The following NTM variants were observed in gnomAD, a reference collection of about 807,000 sequenced individuals.
NTM encodes the protein IgLON family member 2.
NTM carries 13 observed loss-of-function variants against 42.1 expected under a neutral mutation model. The observed-to-expected ratio is 0.31, with a 90% CI of 0.20 to 0.49. NTM has a LOEUF of 0.49. NTM is among the 20% of genes least tolerant of loss of function. NTM has a pLI of 0.99. For synonymous variants in NTM, 187 were observed against 179.2 expected (o/e 1.04, Z -0.35); for missense variants, 373 against 452.8 (o/e 0.82, Z 1.60).
intron 4 of NTM, among the ~76,000 whole-genome samples, chr11:132,229,869 C>T (rs1216259721): frequency 3.9e-5 from 6 of 152,236 alleles, no homozygotes. Flanking sequence ...GCCATTCACC[C>T]TCTTTTGCCC....
chr11:132,310,269 C>T, intron 6 of NTM, 37 bp downstream of exon 6: 1 of 1,534,596 alleles, frequency 6.5e-7, no homozygotes. Flanking sequence ...CCCCTACCCC[C>T]ATCTCCAGGA....
At chr11:131,581,343 C>T (rs537320877) in intron 1 of NTM, among the ~76,000 whole-genome samples, 15 of 152,242 alleles carry the variant, frequency 9.9e-5, no homozygotes, top group African/African-American at 2.2e-4. Flanking sequence ...GAAGATTGAG[C>T]GGTAACAGAG....
Position 132,175,324 on chromosome 11 carries a change from C to T in NTM, c.400+28810C>T, listed in dbSNP as rs551690931. Among the ~76,000 whole-genome samples, 6 of 152,246 alleles carry T rather than the reference C, an allele frequency of 3.9e-5. No homozygotes were observed. In the South Asian group the frequency reaches 1.2e-3, roughly 32 times the overall value. Reference sequence around the variant, plus strand: ...CCTCATGGTCCACCCACACCATTATCACTCATGTATGTCCACACCCTGGCT... The same window carrying T: ...CCTCATGGTCCACCCACACCATTATTACTCATGTATGTCCACACCCTGGCT... On this transcript the variant is annotated intron_variant, in intron 3 of 8. Coordinates refer to ENST00000683400, the MANE Select transcript of NTM (RefSeq NM_001352005.2).
chr11:131,859,341 G>C (rs188274237), intron 1 of NTM, among the ~76,000 whole-genome samples: 1 of 152,126 alleles, frequency 6.6e-6, no homozygotes, highest in Non-Finnish European at 1.5e-5. Context: ...CTGTATAGAG[G>C]ACTGAAAATC....
intron 1 of NTM, chr11:131,767,223 C>A: frequency 4.1e-6 from 2 of 481,950 alleles, no homozygotes; most frequent in Non-Finnish European, 5.4e-6. Flanking sequence ...AAGAGTTAAA[C>A]AATCTTACCT....
chr11:131,490,172 A>G (rs1316474763), intron 1 of NTM, among the ~76,000 whole-genome samples: 1 of 152,198 alleles, frequency 6.6e-6, no homozygotes, highest in Non-Finnish European at 1.5e-5. Context: ...AACCATCCCT[A>G]TGAACCAAAC....
chr11:131,421,777 CA>C (rs1422605881), intron 1 of NTM, among the ~76,000 whole-genome samples: 2 of 152,164 alleles, frequency 1.3e-5, no homozygotes, highest in African/African-American at 4.8e-5. Flanking sequence ...TAGGGAGATG[CA>C]TATTTAGCAT....
intron 1 of NTM, among the ~76,000 whole-genome samples, chr11:131,571,265 C>A (rs76656691): frequency 0.028 from 4,194 of 152,218 alleles, 190 homozygotes; most frequent in African/African-American, 0.096. Flanking sequence ...GTAGCTTGGC[C>A]GGAGCTGCTC....
chr11:131,840,139 A>G (rs57962334), intron 1 of NTM, among the ~76,000 whole-genome samples: 1 of 152,356 alleles, frequency 6.6e-6, no homozygotes, highest in African/African-American at 2.4e-5. Context: ...CCTGTGACTC[A>G]GGAATGTACC....
At chr11:131,458,319 A>G (rs952868095) in intron 1 of NTM, among the ~76,000 whole-genome samples, 6 of 152,190 alleles carry the variant, frequency 3.9e-5, no homozygotes, top group African/African-American at 1.4e-4. Context: ...CTGTGACCTG[A>G]CAAAAGCCTT....
intron 1 of NTM, among the ~76,000 whole-genome samples, chr11:131,788,006 C>T (rs1245091743): frequency 2.0e-5 from 3 of 152,106 alleles, no homozygotes; most frequent in African/African-American, 7.2e-5. Context: ...TTTCTTAGTC[C>T]TAATTGTGTC....
chr11:131,788,359 C>T (rs7124005), intron 1 of NTM, among the ~76,000 whole-genome samples: 50,678 of 151,800 alleles, frequency 0.33, 9,742 homozygotes, highest in East Asian at 0.55. Context: ...TATATAATTG[C>T]CTATATATTA....
At chr11:132,084,002 A>G (rs1180024130) in intron 2 of NTM, among the ~76,000 whole-genome samples, 1 of 152,082 alleles carries the variant, frequency 6.6e-6, no homozygotes, top group Non-Finnish European at 1.5e-5. Flanking sequence ...AAAAAAAAAG[A>G]TTACTTCAGT....
intron 2 of NTM, among the ~76,000 whole-genome samples, chr11:132,046,428 C>T (rs1594089617): frequency 6.6e-6 from 1 of 151,706 alleles, no homozygotes; most frequent in African/African-American, 2.4e-5. Flanking sequence ...CACAGCAATT[C>T]TACTGGCCAA....
At chr11:132,297,496 G>A (rs73597280) in intron 4 of NTM, among the ~76,000 whole-genome samples, 1,854 of 152,270 alleles carry the variant, frequency 0.012, 29 homozygotes, top group African/African-American at 0.043. Context: ...TGCATCCTCC[G>A]TGCATTTCAA....
intron 2 of NTM, among the ~76,000 whole-genome samples, chr11:131,976,113 CTCATTCCT>C (rs1322507326): frequency 8.9e-5 from 6 of 67,254 alleles, no homozygotes; most frequent in Admixed American, 6.2e-4. Context: ...CCCTCCCTCC[CTCATTCCT>C]TCCTTCCTTC....
intron 8 of NTM, among the ~76,000 whole-genome samples, chr11:132,334,733 C>A (rs535027012): frequency 6.6e-6 from 1 of 152,092 alleles, no homozygotes; most frequent in South Asian, 2.1e-4. Context: ...GAATCTGCCA[C>A]CTTCTTCTTG....
intron 1 of NTM, among the ~76,000 whole-genome samples, chr11:131,655,560 G>C (rs1251959481): frequency 6.6e-6 from 1 of 152,210 alleles, no homozygotes; most frequent in East Asian, 1.9e-4. Context: ...CTGCTTTGCT[G>C]TAAAAGACAC....
chr11:131,638,554 A>G (rs1489301613), intron 1 of NTM, among the ~76,000 whole-genome samples: 1 of 136,086 alleles, frequency 7.3e-6, no homozygotes, highest in African/African-American at 2.8e-5. Context: ...TGACACAGCG[A>G]GACTCCTTCA....
Sources: allele counts gnomAD v4.1 joint callset (sites outside exome capture counted in the v4.1 genomes callset), GRCh38; gene constraint gnomAD v4.1.1; transcripts MANE v1.5; gene names NCBI Gene and HGNC (gene_info 2026-07-23, HGNC 2026-07-21).